MAOA: variants seen among roughly 807,000 people sequenced by gnomAD.
MAOA encodes monoamine oxidase A, also known as amine oxidase [flavin-containing] A.
MAOA carries 6 observed loss-of-function variants against 42.0 expected under a neutral mutation model. The observed-to-expected ratio is 0.14, with a 90% CI of 0.08 to 0.28. MAOA has a LOEUF of 0.28. MAOA is among the 10% of genes least tolerant of loss of function. MAOA has a pLI of 1.00. For synonymous variants in MAOA, 140 were observed against 154.0 expected (o/e 0.91, Z 0.67); for missense variants, 262 against 422.3 (o/e 0.62, Z 3.33).
At chrX:43,706,442 A>G (rs949250266) in intron 3 of MAOA, among the ~76,000 whole-genome samples, 18 of 111,121 alleles carry the variant, frequency 1.6e-4, no homozygotes, top group African/African-American at 5.9e-4. Context: ...TAATTTCTGT[A>G]TATAACTAGA....
intron 5 of MAOA, among the ~76,000 whole-genome samples, chrX:43,723,562 T>C (rs1374129783): frequency 8.9e-6 from 1 of 112,049 alleles, no homozygotes; most frequent in African/African-American, 3.2e-5. Context: ...CTGAAGTTGC[T>C]TATCAACTTA....
chrX:43,656,256 C>T (rs1399360038), upstream of MAOA: 5 of 868,737 alleles, frequency 5.8e-6, no homozygotes, highest in Non-Finnish European at 8.4e-6. Context: ...CCCCCGGGCT[C>T]CCCGGGGGAG....
chrX:43,669,537 C>T (rs773645191), intron 1 of MAOA, among the ~76,000 whole-genome samples: 1 of 111,567 alleles, frequency 9.0e-6, no homozygotes, highest in African/African-American at 3.3e-5. Context: ...TTCCACTATC[C>T]ATCCACTATG....
intron 3 of MAOA, among the ~76,000 whole-genome samples, chrX:43,705,792 A>G (rs1372468334): frequency 8.9e-6 from 1 of 112,283 alleles, no homozygotes; most frequent in Non-Finnish European, 1.9e-5. Context: ...TCAAAAATGG[A>G]CAAAGGACTT....
At chrX:43,736,177 T>C in intron 9 of MAOA, 50 bp from the exon 10 acceptor site, 1 of 971,905 alleles carries the variant, frequency 1.0e-6, no homozygotes, top group Non-Finnish European at 1.5e-6. Context: ...AGGGCAGCTC[T>C]TAAAATAAAC....
chrX:43,707,475 G>A (rs2033666798), intron 3 of MAOA, among the ~76,000 whole-genome samples: 1 of 111,777 alleles, frequency 8.9e-6, no homozygotes, highest in Non-Finnish European at 1.9e-5. Context: ...CAAATGAAAA[G>A]GACAGACGTC....
At chrX:43,734,517 T>C (rs1465690366) in intron 9 of MAOA, among the ~76,000 whole-genome samples, 1 of 111,732 alleles carries the variant, frequency 8.9e-6, no homozygotes, top group Non-Finnish European at 1.9e-5. Context: ...TCTTAGAAAG[T>C]GATATTCTAA....
chrX:43,687,351 A>T (rs1285306593), intron 2 of MAOA, among the ~76,000 whole-genome samples: 2 of 112,297 alleles, frequency 1.8e-5, no homozygotes, highest in Non-Finnish European at 3.8e-5. Context: ...TAGTGTCAGC[A>T]TTCTAAAGAC....
At chrX:43,726,347 A>G (rs980707528) in intron 5 of MAOA, among the ~76,000 whole-genome samples, 10 of 111,525 alleles carry the variant, frequency 9.0e-5, no homozygotes, top group African/African-American at 2.6e-4. Flanking sequence ...ATAGTCCCGT[A>G]TTTCTTGGAG....
chrX:43,731,243 A>G lies in MAOA; in HGVS notation c.648A>G (p.Glu216=). 1 of 1,210,276 alleles carries G rather than the reference A, an allele frequency of 8.3e-7. No individual in the cohort carries two copies. The highest frequency in any genetic ancestry group is 1.1e-6 in the Non-Finnish European group (1 of 894,172). The stretch of plus-strand genomic sequence containing the variant: ...TTCTTACCTACCTCCTCCTGTAGGA[A>G]CGGAAGTTTGTAGGTGGATCTGGTC... ...RIFSVTNGGQ[E]RKFVGGSGQV... Residue 216 remains glutamate, a splice_region_variant and synonymous_variant, in exon 7 of 15, where the codon GAA becomes GAG. Transcript: ENST00000338702.
chrX:43,712,916 T>C (rs2033710879), intron 5 of MAOA, 120 bp downstream of exon 5: 3 of 539,564 alleles, frequency 5.6e-6, no homozygotes, highest in Non-Finnish European at 9.6e-6. Context: ...AACCTAGTAA[T>C]CTTTCAGTCA....
At chrX:43,714,775 T>G (rs2033727619) in intron 5 of MAOA, among the ~76,000 whole-genome samples, 1 of 74,136 alleles carries the variant, frequency 1.3e-5, no homozygotes, top group African/African-American at 5.0e-5. Context: ...TTAGGTAGTG[T>G]GTGTGTGTGG....
intron 5 of MAOA, among the ~76,000 whole-genome samples, chrX:43,722,163 G>A (rs2033795851): frequency 8.9e-6 from 1 of 112,016 alleles, no homozygotes; most frequent in African/African-American, 3.3e-5. Context: ...GTGTGCATGT[G>A]TCTTTATAGT....
intron 3 of MAOA, 118 bp downstream of exon 3, chrX:43,693,546 GA>G (rs1346800699): frequency 3.8e-6 from 3 of 794,945 alleles, no homozygotes; most frequent in African/African-American, 4.2e-5. Flanking sequence ...TCTTGACTTT[GA>G]AGTAGTATTT....
intron 3 of MAOA, among the ~76,000 whole-genome samples, chrX:43,706,017 G>A (rs2033656707): frequency 8.9e-6 from 1 of 112,328 alleles, no homozygotes; most frequent in Non-Finnish European, 1.9e-5. Context: ...TGGTAGAAAT[G>A]TAAAATGGTG....
intron 1 of MAOA, among the ~76,000 whole-genome samples, chrX:43,676,234 A>T (rs949260667): frequency 8.9e-6 from 1 of 112,115 alleles, no homozygotes; most frequent in Non-Finnish European, 1.9e-5. Context: ...CCATGGGCGT[A>T]GGACCCTCTG....
At chrX:43,712,971 G>A (rs184739654) in intron 5 of MAOA, among the ~76,000 whole-genome samples, 175 bp downstream of exon 5, 45 of 112,561 alleles carry the variant, frequency 4.0e-4, no homozygotes, top group African/African-American at 1.4e-3. Context: ...AACAGAAAAT[G>A]AATCTAAAAA....
At chrX:43,662,242 G>C (rs1188470982) in intron 1 of MAOA, among the ~76,000 whole-genome samples, 1 of 111,092 alleles carries the variant, frequency 9.0e-6, no homozygotes, top group Non-Finnish European at 1.9e-5. Context: ...TGCTGTTTAG[G>C]ACACTTCTCT....
intron 1 of MAOA, among the ~76,000 whole-genome samples, chrX:43,675,104 A>G (rs1161035735): frequency 9.0e-6 from 1 of 111,370 alleles, no homozygotes; most frequent in Non-Finnish European, 1.9e-5. Context: ...TGGTCTCTTC[A>G]CATAGTCCCA....
Sources: allele counts gnomAD v4.1 joint callset (sites outside exome capture counted in the v4.1 genomes callset), GRCh38; gene constraint gnomAD v4.1.1; transcripts MANE v1.5; gene names NCBI Gene and HGNC (gene_info 2026-07-23, HGNC 2026-07-21).